The following LRIG3 variants were observed in gnomAD, a reference collection of about 807,000 sequenced individuals.
LRIG3 encodes the protein leucine rich repeats and immunoglobulin like domains 3, also known as leucine-rich repeats and immunoglobulin-like domains protein 3.
LRIG3 carries 76 observed loss-of-function variants against 114.5 expected under a neutral mutation model. The observed-to-expected ratio is 0.66, with a 90% confidence interval of 0.55 to 0.80. The LOEUF (loss-of-function observed/expected upper bound fraction) is 0.80, where lower values mean the gene tolerates loss of function less well. LRIG3 is among the 30% of genes least tolerant of loss of function. The probability of loss-of-function intolerance (pLI) is 0.00; values close to 1 mark genes in which losing one functional copy is unlikely to be tolerated. For synonymous variants in LRIG3, 512 were observed against 519.8 expected, an observed-to-expected ratio of 0.98 and a Z score of 0.20; for missense variants, 1,239 against 1,382.8, an observed-to-expected ratio of 0.90 and a Z score of 1.65.
chr12:58,872,706 C>A lies in LRIG3; in HGVS notation c.3226G>T (p.Asp1076Tyr). The A allele has an allele frequency of 3.7e-6, 6 of 1,614,068 alleles. No homozygotes were observed. The highest frequency in any genetic ancestry group is 5.1e-6 in the Non-Finnish European group (6 of 1,179,984). Residue 1076 changes from aspartate to tyrosine, a missense_variant, in exon 19 of 19, where the codon GAC (aspartate) becomes TAC (tyrosine). Asp to Tyr is a radical substitution (Grantham distance 160). Coordinates refer to ENST00000320743, the MANE Select transcript of LRIG3 (RefSeq NM_153377.5). Reference protein sequence around the residue: ...AFYLKAHSSPDLDSGSEEDGK... With the variant: ...AFYLKAHSSPYLDSGSEEDGK... ...TCTTCCTCTGACCCAGAGTCCAAGT[C>A]TGGGGAAGAATGAGCTTTCAAATAA... is the stretch of plus-strand genomic sequence containing the variant.
chr12:58,917,176 A>G (rs1404850633), intron 1 of LRIG3, among the ~76,000 whole-genome samples: 4 of 152,138 alleles, frequency 2.6e-5, no homozygotes, highest in Admixed American at 6.6e-5. Flanking sequence ...ATAACAGGTC[A>G]ACACTAAAGA....
chr12:58,881,295 C>T lies in LRIG3; in HGVS notation c.1481-394G>A, dbSNP rs544326899. Among the ~76,000 whole-genome samples the T allele has an allele frequency of 2.0e-5, 3 of 152,184 alleles. No homozygotes were observed. In the South Asian group the frequency reaches 6.2e-4, roughly 32 times the overall value. Reference sequence around the variant, plus strand: ...GAAACTGCAATTGTTCCCATGTTCTCCCCAGATAATGAGCAGCAAAATTAG... The same window carrying T: ...GAAACTGCAATTGTTCCCATGTTCTTCCCAGATAATGAGCAGCAAAATTAG... On this transcript the variant is annotated intron_variant, in intron 12 of 18. Transcript: ENST00000320743.
At chr12:58,892,944 C>A (rs1871506497) in intron 3 of LRIG3, among the ~76,000 whole-genome samples, 1 of 152,228 alleles carries the variant, frequency 6.6e-6, no homozygotes, top group African/African-American at 2.4e-5. Context: ...GAAAAGGCCG[C>A]TACTTCCCAC....
intron 14 of LRIG3, among the ~76,000 whole-genome samples, 179 bp from the exon 15 acceptor site, chr12:58,878,031 C>A (rs943810481): frequency 6.6e-6 from 1 of 152,180 alleles, no homozygotes; most frequent in Non-Finnish European, 1.5e-5. Context: ...ATTCTGCTGT[C>A]ATTTACTCAT....
At chr12:58,914,776 G>C (rs1479915609) in intron 1 of LRIG3, among the ~76,000 whole-genome samples, 1 of 152,186 alleles carries the variant, frequency 6.6e-6, no homozygotes, top group Non-Finnish European at 1.5e-5. Flanking sequence ...TGCAGTCAAG[G>C]AAAACAGAAA....
At chr12:58,919,418 G>C in intron 1 of LRIG3, 1 of 1,551,620 alleles carries the variant, frequency 6.4e-7, no homozygotes, top group South Asian at 1.2e-5. Context: ...TTGAGGAGTG[G>C]GAACTTACGG....
rs1181306094 is a variant in LRIG3, at chr12:58,896,839, G to A, written c.384-6043C>T. On this transcript the variant is annotated intron_variant, in intron 3 of 18. Coordinates refer to ENST00000320743, the MANE Select transcript of LRIG3 (RefSeq NM_153377.5). Reference sequence around the variant, plus strand: ...GTATGGACTGGTACAGTCAAGCCTGGCCCCAAGGAAATACTAATTTCTATA... The same window carrying A: ...GTATGGACTGGTACAGTCAAGCCTGACCCCAAGGAAATACTAATTTCTATA... Among the ~76,000 whole-genome samples the A allele has an allele frequency of 2.6e-5, 4 of 152,096 alleles. No individual in the cohort carries two copies. The East Asian group carries it at 7.7e-4, about 29-fold the overall frequency.
chr12:58,877,266 A>G (rs1418310212), intron 15 of LRIG3, 134 bp downstream of exon 15: 3 of 878,144 alleles, frequency 3.4e-6, no homozygotes, highest in Admixed American at 2.9e-5. Context: ...AGCGAATCAT[A>G]TTTCTGCAGC....
chr12:58,920,411 C>G lies in LRIG3; in HGVS notation c.-176G>C, dbSNP rs1872632902. ...CCCGGCGGCGAAGCCCTTTCATGCC[C>G]CCAAACAGCAGGAGGGAAACCGAAA... On this transcript the variant is annotated 5_prime_UTR_variant, in exon 1 of 19. Transcript: ENST00000320743. The G allele has an allele frequency of 2.3e-6, 1 of 444,314 alleles. No individual in the cohort carries two copies. Among genetic ancestry groups the G allele is most frequent in the Non-Finnish European group, 3.8e-6 (1 of 261,256 alleles). The allele number at this position is 444,314 out of a possible 1,614,324, so 27.5% of individuals were successfully genotyped here.
intron 3 of LRIG3, among the ~76,000 whole-genome samples, chr12:58,901,749 A>T (rs1022730608): frequency 1.3e-5 from 2 of 152,204 alleles, no homozygotes; most frequent in African/African-American, 4.8e-5. Context: ...TCTCTAGCAC[A>T]CAGAACGACA....
At chr12:58,910,820 C>G (rs1465449255) in intron 3 of LRIG3, among the ~76,000 whole-genome samples, 1 of 152,162 alleles carries the variant, frequency 6.6e-6, no homozygotes, top group African/African-American at 2.4e-5. Context: ...GTAGAACTCA[C>G]AGATTCAAAC....
intron 2 of LRIG3, 55 bp downstream of exon 2, chr12:58,914,210 T>C (rs1228367815): frequency 6.5e-6 from 10 of 1,547,086 alleles, no homozygotes; most frequent in African/African-American, 2.7e-5. Context: ...GGTTAAATAG[T>C]ATAAGGGGTA....
At position 58,874,247 on chromosome 12, in the gene LRIG3, G is replaced by A. The variant is rs779972316; in HGVS notation, c.2923C>T (p.His975Tyr). ...IKKKECYPCS[H>Y]PSEESCERSF... is the part of the protein sequence containing the mutation. ...CGTTCGCAGGATTCTTCTGAAGGAT[G>A]AGAACATGGGTAGCACTCCTTTTTC... Residue 975 changes from histidine (H) to tyrosine (Y), a missense_variant, in exon 18 of 19, where the codon CAT becomes TAT. By Grantham distance (83) the His-to-Tyr change is moderately conservative. Coordinates refer to ENST00000320743, the MANE Select transcript of LRIG3 (RefSeq NM_153377.5). 9 of 1,614,062 alleles carry A rather than the reference G, an allele frequency of 5.6e-6. No individual in the cohort carries two copies. The highest frequency in any genetic ancestry group is 3.3e-5 in the Admixed American group (2 of 60,012).
intron 1 of LRIG3, chr12:58,919,453 G>C: frequency 6.4e-7 from 1 of 1,551,654 alleles, no homozygotes; most frequent in Admixed American, 2.0e-5. Context: ...AAAGCAAGCA[G>C]AGGGAGAACA....
At chr12:58,900,315 T>G (rs181846005) in intron 3 of LRIG3, among the ~76,000 whole-genome samples, 24 of 152,222 alleles carry the variant, frequency 1.6e-4, no homozygotes, top group African/African-American at 5.1e-4. Flanking sequence ...ACTTCACTAT[T>G]TCTCTAAGTC....
intron 3 of LRIG3, among the ~76,000 whole-genome samples, chr12:58,908,710 C>G (rs1040011558): frequency 1.1e-4 from 16 of 152,218 alleles, no homozygotes; most frequent in African/African-American, 3.9e-4. Flanking sequence ...TCTTTAGCCA[C>G]TGGTTTAAAC....
chr12:58,882,926 G>C lies in LRIG3; in HGVS notation c.1423C>G (p.Pro475Ala). The change falls in exon 12 of 19, where the codon CCT becomes GCT. Residue 475 changes from proline to alanine, a missense_variant. Pro to Ala is a conservative substitution (Grantham distance 27). Transcript: ENST00000320743. ...ATGCTTCTTCCTTTTAGCAGCTGAG[G>C]ATGGGCACAACTGGCATTTACAAAG... is the stretch of plus-strand genomic sequence containing the variant. ...QSFVNASCAHPQLLKGRSIFA... is the reference protein window; with the variant it reads ...QSFVNASCAHAQLLKGRSIFA... 1 of 1,614,176 alleles carries C rather than the reference G, an allele frequency of 6.2e-7. No homozygotes were observed.
intron 3 of LRIG3, among the ~76,000 whole-genome samples, chr12:58,894,453 T>C (rs954596165): frequency 2.0e-5 from 3 of 152,048 alleles, no homozygotes; most frequent in African/African-American, 7.2e-5. Flanking sequence ...ACTTGCTTTG[T>C]ATAATAAAGG....
chr12:58,901,471 C>T (rs1303664958), intron 3 of LRIG3, among the ~76,000 whole-genome samples: 1 of 152,092 alleles, frequency 6.6e-6, no homozygotes, highest in African/African-American at 2.4e-5. Context: ...TTATGAGTGG[C>T]TATTTAAATT....
Sources: allele counts gnomAD v4.1 joint callset (sites outside exome capture counted in the v4.1 genomes callset), GRCh38; gene constraint gnomAD v4.1.1; transcripts MANE v1.5; gene names NCBI Gene and HGNC (gene_info 2026-07-23, HGNC 2026-07-21).